LYPD6B: variants seen among roughly 807,000 people sequenced by gnomAD.
LYPD6B encodes the protein LY6/PLAUR domain containing 6B.
LYPD6B carries 17 observed loss-of-function variants against 22.8 expected under a neutral mutation model. That is an observed-to-expected ratio of 0.75 (90% CI 0.51 to 1.12). LYPD6B has a LOEUF of 1.12. Ranked by LOEUF, LYPD6B falls within the 50% of genes most tolerant of loss-of-function variation. The pLI is 0.00. For synonymous variants in LYPD6B, 106 were observed against 91.6 expected, an observed-to-expected ratio of 1.16 and a Z score of -0.90; for missense variants, 221 against 258.3, an observed-to-expected ratio of 0.86 and a Z score of 0.99.
intron 3 of LYPD6B, among the ~76,000 whole-genome samples, chr2:149,176,790 A>G (rs994536373): frequency 1.3e-5 from 2 of 152,186 alleles, no homozygotes; most frequent in African/African-American, 4.8e-5. Context: ...CCCAAAGACT[A>G]CAGAAGGCAG....
chr2:149,212,918 A>C, intron 5 of LYPD6B, 74 bp from the exon 6 acceptor site: 1 of 1,459,980 alleles, frequency 6.8e-7, no homozygotes, highest in Non-Finnish European at 9.3e-7. Context: ...TTAATTGTTA[A>C]GAGATCTCTT....
At chr2:149,148,416 G>A (rs1283279641) in intron 2 of LYPD6B, among the ~76,000 whole-genome samples, 4 of 152,316 alleles carry the variant, frequency 2.6e-5, no homozygotes, top group African/African-American at 9.6e-5. Context: ...TGTTGGGGGA[G>A]CAGAGGGCAA....
chr2:149,078,872 G>T (rs1247395352), intron 1 of LYPD6B, among the ~76,000 whole-genome samples: 1 of 152,006 alleles, frequency 6.6e-6, no homozygotes, highest in Non-Finnish European at 1.5e-5. Flanking sequence ...GCAGGGTGTG[G>T]TAGCTTGTGT....
At chr2:149,147,595 C>T (rs945424963) in intron 2 of LYPD6B, among the ~76,000 whole-genome samples, 23 of 152,100 alleles carry the variant, frequency 1.5e-4, no homozygotes, top group Non-Finnish European at 3.1e-4. Context: ...TTCACTGCAG[C>T]CTCTACCTTC....
At chr2:149,083,589 C>A (rs184878800) in intron 1 of LYPD6B, among the ~76,000 whole-genome samples, 1 of 152,264 alleles carries the variant, frequency 6.6e-6, no homozygotes. Flanking sequence ...CTTTGCATGT[C>A]ATTTACTTGT....
At chr2:149,142,834 A>G (rs1688775226) in intron 2 of LYPD6B, among the ~76,000 whole-genome samples, 1 of 152,082 alleles carries the variant, frequency 6.6e-6, no homozygotes, top group African/African-American at 2.4e-5. Context: ...TATTTTTTTA[A>G]TCGACTTTTT....
At chr2:149,080,226 T>C (rs1415671918) in intron 1 of LYPD6B, among the ~76,000 whole-genome samples, 1 of 152,194 alleles carries the variant, frequency 6.6e-6, no homozygotes, top group Non-Finnish European at 1.5e-5. Context: ...CCTATGCTTG[T>C]GGCCGCATAA....
chr2:149,122,424 T>C (rs1382936607), intron 1 of LYPD6B, among the ~76,000 whole-genome samples: 3 of 151,404 alleles, frequency 2.0e-5, no homozygotes, highest in African/African-American at 7.3e-5. Flanking sequence ...TTTCTTTTTC[T>C]TTTTTTTTAT....
intron 1 of LYPD6B, among the ~76,000 whole-genome samples, chr2:149,094,358 G>A (rs1685804714): frequency 6.6e-6 from 1 of 152,210 alleles, no homozygotes; most frequent in African/African-American, 2.4e-5. Flanking sequence ...TGGAATGCCA[G>A]GGACATGATA....
At chr2:149,083,435 T>C (rs1046064906) in intron 1 of LYPD6B, among the ~76,000 whole-genome samples, 1 of 152,218 alleles carries the variant, frequency 6.6e-6, no homozygotes, top group Non-Finnish European at 1.5e-5. Context: ...TTTCCAACAC[T>C]GGGATAAAAT....
intron 3 of LYPD6B, among the ~76,000 whole-genome samples, chr2:149,198,483 T>C (rs1170115081): frequency 6.6e-6 from 1 of 152,220 alleles, no homozygotes; most frequent in Non-Finnish European, 1.5e-5. Context: ...TTTTAGGTTT[T>C]TCTTAAAATT....
chr2:149,211,533 G>C (rs1327743019), intron 5 of LYPD6B, among the ~76,000 whole-genome samples: 8 of 151,966 alleles, frequency 5.3e-5, no homozygotes, highest in Non-Finnish European at 8.8e-5. Flanking sequence ...GTACCTGGCT[G>C]ATAGTGCACA....
At chr2:149,052,885 C>A (rs921262792) in intron 1 of LYPD6B, among the ~76,000 whole-genome samples, 3 of 152,076 alleles carry the variant, frequency 2.0e-5, no homozygotes, top group African/African-American at 4.8e-5. Flanking sequence ...CGAGAAGCCC[C>A]CATAAGCCCA....
intron 1 of LYPD6B, among the ~76,000 whole-genome samples, chr2:149,123,083 A>G (rs1687475768): frequency 1.3e-5 from 2 of 152,172 alleles, no homozygotes; most frequent in South Asian, 4.1e-4. Context: ...GAAAGGTTTC[A>G]CAGTAGTTCC....
chr2:149,177,270 T>A (rs905566796), intron 3 of LYPD6B, among the ~76,000 whole-genome samples: 3 of 152,170 alleles, frequency 2.0e-5, no homozygotes, highest in African/African-American at 7.2e-5. Context: ...AGCTACTCAT[T>A]TGGTGGGGAA....
At chr2:149,081,518 C>T (rs1284839057) in intron 1 of LYPD6B, among the ~76,000 whole-genome samples, 1 of 152,156 alleles carries the variant, frequency 6.6e-6, no homozygotes, top group Non-Finnish European at 1.5e-5. Flanking sequence ...TGCTTGGGTA[C>T]AGCCAAAATT....
chr2:149,117,023 C>T (rs939455597), intron 1 of LYPD6B, among the ~76,000 whole-genome samples: 1 of 151,970 alleles, frequency 6.6e-6, no homozygotes, highest in African/African-American at 2.4e-5. Context: ...AGTCTTTGGG[C>T]CCCTTCTTGT....
intron 2 of LYPD6B, among the ~76,000 whole-genome samples, chr2:149,143,394 A>G (rs929574649): frequency 2.0e-5 from 3 of 151,626 alleles, no homozygotes; most frequent in Admixed American, 6.6e-5. Context: ...GAGAAATGGC[A>G]GTTCTTCTTG....
intron 2 of LYPD6B, among the ~76,000 whole-genome samples, chr2:149,151,072 A>G (rs947378096): frequency 6.6e-6 from 1 of 152,090 alleles, no homozygotes; most frequent in African/African-American, 2.4e-5. Flanking sequence ...TCTGAGGTCA[A>G]TGTATTGTTT....
Sources: gnomAD v4.1 joint callset for allele counts (sites outside exome capture counted in the v4.1 genomes callset) on GRCh38, gnomAD v4.1.1 for gene constraint, MANE v1.5 for transcripts, NCBI Gene and HGNC (gene_info 2026-07-23, HGNC 2026-07-21) for gene names.